The following GRIP1 variants were observed in gnomAD, a reference collection of about 807,000 sequenced individuals.
GRIP1 encodes the protein glutamate receptor interacting protein 1.
GRIP1 carries 45 observed loss-of-function variants against 129.9 expected under a neutral mutation model. The ratio of observed to expected loss-of-function variants is 0.35; its 90% CI spans 0.27 to 0.44. The LOEUF is 0.44. GRIP1 is among the 20% of genes least tolerant of loss of function. The probability of loss-of-function intolerance (pLI) is 1.00; values close to 1 mark genes in which losing one functional copy is unlikely to be tolerated. For synonymous variants in GRIP1, 530 were observed against 520.8 expected (o/e 1.02, Z -0.24); for missense variants, 1,196 against 1,396.8 (o/e 0.86, Z 2.29).
At chr12:66,589,710 ATAATAT>A (rs1226674065) in intron 2 of GRIP1, among the ~76,000 whole-genome samples, 2 of 152,208 alleles carry the variant, frequency 1.3e-5, no homozygotes, top group Non-Finnish European at 2.9e-5. Flanking sequence ...CTTACTTAAA[ATAATAT>A]TAATTATAGT....
At position 66,815,135 on chromosome 12, in the gene GRIP1, T is replaced by C. The variant is rs529037737; in HGVS notation, c.59-218208A>G. Among the ~76,000 whole-genome samples, 8 of 152,294 alleles carry C rather than the reference T, an allele frequency of 5.3e-5. No individual in the cohort carries two copies. In the South Asian group the frequency reaches 1.7e-3, roughly 32 times the overall value. ...AAGCGTTTCATACAAATTTGTTTTGTTTAAGGAATAAAGCAATTACTATGT... is the reference window on the plus strand; with the variant it reads ...AAGCGTTTCATACAAATTTGTTTTGCTTAAGGAATAAAGCAATTACTATGT... On this transcript the variant is annotated intron_variant, in intron 1 of 1. Coordinates refer to the GRIP1 transcript ENST00000643019.
chr12:66,514,114 T>G (rs1037768635), intron 7 of GRIP1, among the ~76,000 whole-genome samples: 1 of 152,180 alleles, frequency 6.6e-6, no homozygotes, highest in Non-Finnish European at 1.5e-5. Context: ...GATCACACTT[T>G]ATGAGTTTAT....
intron 2 of GRIP1, among the ~76,000 whole-genome samples, chr12:66,594,462 A>AT (rs2063968220): frequency 1.3e-5 from 2 of 150,418 alleles, no homozygotes; most frequent in South Asian, 4.2e-4. Context: ...ACATTATGAG[A>AT]TTTTTTTGTG....
intron 1 of GRIP1, among the ~76,000 whole-genome samples, chr12:67,009,554 C>CA (rs1399119282): frequency 6.6e-5 from 10 of 152,198 alleles, no homozygotes; most frequent in Admixed American, 6.5e-4. Flanking sequence ...GAAGTATTAA[C>CA]ACCTGCAGTC....
At chr12:66,724,886 G>C (rs2036203853) in intron 1 of GRIP1, among the ~76,000 whole-genome samples, 1 of 152,178 alleles carries the variant, frequency 6.6e-6, no homozygotes, top group African/African-American at 2.4e-5. Context: ...CTGACTGCAG[G>C]TGACTTCTCT....
chr12:66,477,805 C>G (rs950376693), intron 7 of GRIP1, among the ~76,000 whole-genome samples: 26 of 139,276 alleles, frequency 1.9e-4, no homozygotes, highest in Admixed American at 1.4e-4. Flanking sequence ...ACAAATGGTG[C>G]TGGGAAACTG....
chr12:66,379,026 T>C (rs1288183857), intron 20 of GRIP1, among the ~76,000 whole-genome samples: 1 of 152,220 alleles, frequency 6.6e-6, no homozygotes, highest in Admixed American at 6.5e-5. Context: ...GCAAAGTTTA[T>C]AGAAGCAGCT....
At chr12:66,670,680 T>C (rs1592725170) in intron 1 of GRIP1, among the ~76,000 whole-genome samples, 1 of 152,288 alleles carries the variant, frequency 6.6e-6, no homozygotes, top group Non-Finnish European at 1.5e-5. Flanking sequence ...CTGGCTCTAA[T>C]GGGCTTAGGT....
chr12:66,423,378 G>C (rs377317030), intron 14 of GRIP1, among the ~76,000 whole-genome samples: 42 of 152,302 alleles, frequency 2.8e-4, no homozygotes, highest in African/African-American at 9.9e-4. Context: ...TGCTATTATT[G>C]TTTAACAACA....
chr12:66,452,634 TCAC>T (rs779993180), intron 11 of GRIP1, among the ~76,000 whole-genome samples: 1 of 152,062 alleles, frequency 6.6e-6, no homozygotes, highest in Non-Finnish European at 1.5e-5. Context: ...TTGCCATGAT[TCAC>T]CATCTACACA....
At chr12:66,654,541 A>T (rs2033019420) in intron 1 of GRIP1, among the ~76,000 whole-genome samples, 1 of 152,224 alleles carries the variant, frequency 6.6e-6, no homozygotes, top group Non-Finnish European at 1.5e-5. Context: ...TTGGAGAGAG[A>T]AATGTGCTTT....
At chr12:66,667,836 A>C (rs1565954157) in intron 1 of GRIP1, among the ~76,000 whole-genome samples, 1 of 152,176 alleles carries the variant, frequency 6.6e-6, no homozygotes, top group African/African-American at 2.4e-5. Flanking sequence ...TCCTTCAAAA[A>C]ATCATCTTGT....
At chr12:66,537,648 T>C (rs2061646241) in intron 4 of GRIP1, among the ~76,000 whole-genome samples, 2 of 152,124 alleles carry the variant, frequency 1.3e-5, no homozygotes, top group Non-Finnish European at 1.5e-5. Context: ...AGTCACTAAG[T>C]ACAAAACCTG....
chr12:66,360,357 C>T (rs888696997), intron 23 of GRIP1, among the ~76,000 whole-genome samples: 1 of 152,140 alleles, frequency 6.6e-6, no homozygotes, highest in Non-Finnish European at 1.5e-5. Flanking sequence ...TCCTATGGCT[C>T]ACCAACCTGT....
intron 1 of GRIP1, among the ~76,000 whole-genome samples, chr12:66,826,824 T>C (rs1028794170): frequency 2.6e-5 from 4 of 152,170 alleles, no homozygotes; most frequent in Non-Finnish European, 5.9e-5. Flanking sequence ...ACATCCTAAA[T>C]AGATCACAGG....
intron 1 of GRIP1, among the ~76,000 whole-genome samples, chr12:66,885,688 G>T (rs1241836618): frequency 6.6e-6 from 1 of 152,162 alleles, no homozygotes; most frequent in African/African-American, 2.4e-5. Flanking sequence ...ACCAGATACA[G>T]CTGGTAAGCC....
At chr12:66,544,270 G>A (rs1310953991) in intron 2 of GRIP1, among the ~76,000 whole-genome samples, 2 of 152,054 alleles carry the variant, frequency 1.3e-5, no homozygotes, top group Admixed American at 1.3e-4. Context: ...AAATATTCCT[G>A]CACCAGTTAA....
At chr12:66,801,219 A>G (rs1361933784) in intron 1 of GRIP1, among the ~76,000 whole-genome samples, 2 of 152,080 alleles carry the variant, frequency 1.3e-5, no homozygotes, top group African/African-American at 4.8e-5. Context: ...TTGGTGACTT[A>G]CCCAAAGCAT....
chr12:66,493,715 C>CAGATTG (rs1382092341), intron 7 of GRIP1, among the ~76,000 whole-genome samples: 1 of 152,184 alleles, frequency 6.6e-6, no homozygotes, highest in African/African-American at 2.4e-5. Flanking sequence ...AGGTGAGAGA[C>CAGATTG]TTAGCTAAAG....
Sources: allele counts gnomAD v4.1 joint callset (sites outside exome capture counted in the v4.1 genomes callset), GRCh38; gene constraint gnomAD v4.1.1; transcripts MANE v1.5; gene names NCBI Gene and HGNC (gene_info 2026-07-23, HGNC 2026-07-21).